Variants in RARB observed in about 807,000 individuals in gnomAD.
The protein encoded by RARB is HBV-activated protein.
A neutral mutation model predicts 51.9 loss-of-function variants in RARB; 17 were observed. That is an observed-to-expected ratio of 0.33 (90% CI 0.22 to 0.49). RARB has a LOEUF of 0.49. Among genes scored for constraint, RARB ranks in the 20% least tolerant of loss-of-function variants. RARB has a pLI of 0.99. For synonymous variants in RARB, 215 were observed against 195.4 expected, an observed-to-expected ratio of 1.10 and a Z score of -0.84; for missense variants, 369 against 550.8, an observed-to-expected ratio of 0.67 and a Z score of 3.30.
chr3:25,004,598 T>C (rs1471650375), intron 2 of RARB, among the ~76,000 whole-genome samples: 1 of 152,136 alleles, frequency 6.6e-6, no homozygotes, highest in African/African-American at 2.4e-5. Flanking sequence ...CACCTCTTAA[T>C]AGTGTCACAA....
At chr3:25,511,165 C>T (rs62235661) in intron 3 of RARB, among the ~76,000 whole-genome samples, 4,222 of 151,628 alleles carry the variant, frequency 0.028, 102 homozygotes, top group African/African-American at 0.065. Flanking sequence ...TGGCGTCTTG[C>T]TCTGTTGCCC....
intron 5 of RARB, among the ~76,000 whole-genome samples, chr3:25,371,123 C>G (rs1706286064): frequency 6.6e-6 from 1 of 152,168 alleles, no homozygotes; most frequent in South Asian, 2.1e-4. Context: ...AATATATCTC[C>G]CAACATTCAT....
chr3:25,393,831 T>C (rs1707040211), intron 5 of RARB, among the ~76,000 whole-genome samples: 1 of 152,124 alleles, frequency 6.6e-6, no homozygotes, highest in Non-Finnish European at 1.5e-5. Flanking sequence ...CCTAATGGTC[T>C]ATGAATTTTG....
At chr3:25,244,994 T>C (rs1015937533) in intron 5 of RARB, among the ~76,000 whole-genome samples, 2 of 152,236 alleles carry the variant, frequency 1.3e-5, no homozygotes, top group Non-Finnish European at 2.9e-5. Flanking sequence ...TGCTCCCGTA[T>C]TGGGTGCATA....
At chr3:25,240,294 C>A (rs191349317) in intron 5 of RARB, among the ~76,000 whole-genome samples, 1 of 152,198 alleles carries the variant, frequency 6.6e-6, no homozygotes, top group African/African-American at 2.4e-5. Context: ...TTGACTTCCT[C>A]ATTTTCAATT....
At chr3:25,455,012 C>T (rs1005561982) in intron 1 of RARB, among the ~76,000 whole-genome samples, 1 of 152,130 alleles carries the variant, frequency 6.6e-6, no homozygotes, top group Non-Finnish European at 1.5e-5. Flanking sequence ...TTGTACCATC[C>T]CAGTCGGTGG....
At chr3:25,557,137 T>TCACACACA (rs55731301) in intron 3 of RARB, among the ~76,000 whole-genome samples, 6,906 of 145,328 alleles carry the variant, frequency 0.048, 245 homozygotes, top group African/African-American at 0.1. Flanking sequence ...GGCATTGCAT[T>TCACACACA]CACACACACA....
At chr3:25,389,709 G>A (rs1309791855) in intron 5 of RARB, among the ~76,000 whole-genome samples, 3 of 152,110 alleles carry the variant, frequency 2.0e-5, no homozygotes, top group African/African-American at 7.2e-5. Context: ...ATTTGCTATG[G>A]ACCTAAAAAT....
chr3:25,591,023 C>A (rs887978276), intron 5 of RARB, among the ~76,000 whole-genome samples: 1 of 152,162 alleles, frequency 6.6e-6, no homozygotes, highest in Non-Finnish European at 1.5e-5. Context: ...TGGCTTCATA[C>A]CCCATCAGTT....
chr3:25,460,163 A>G (rs1042955286), intron 1 of RARB, among the ~76,000 whole-genome samples: 1 of 152,182 alleles, frequency 6.6e-6, no homozygotes, highest in Non-Finnish European at 1.5e-5. Flanking sequence ...TTAATTGTAC[A>G]TTTAGTCATC....
chr3:25,371,612 G>T (rs1006506684), intron 5 of RARB, among the ~76,000 whole-genome samples: 11 of 152,218 alleles, frequency 7.2e-5, no homozygotes, highest in African/African-American at 2.7e-4. Flanking sequence ...AGTGGAAGTG[G>T]ATCAATAAGT....
chr3:24,979,328 T>TTG (rs1491318756), intron 2 of RARB, among the ~76,000 whole-genome samples: 1 of 146,950 alleles, frequency 6.8e-6, no homozygotes, highest in Non-Finnish European at 1.5e-5. Flanking sequence ...TGTCTCACAG[T>TTG]TGTGTGTGTG....
At chr3:25,049,755 C>A (rs1298677648) in intron 2 of RARB, among the ~76,000 whole-genome samples, 1 of 152,234 alleles carries the variant, frequency 6.6e-6, no homozygotes, top group Non-Finnish European at 1.5e-5. Flanking sequence ...CTAATCCAAA[C>A]TGATGTGTTA....
intron 5 of RARB, among the ~76,000 whole-genome samples, chr3:25,373,909 G>C (rs752991305): frequency 7.2e-5 from 11 of 152,192 alleles, no homozygotes; most frequent in Non-Finnish European, 1.6e-4. Flanking sequence ...GCTCACACGT[G>C]AGAAGCCAGA....
At chr3:25,190,608 G>A (rs957104297) in intron 5 of RARB, among the ~76,000 whole-genome samples, 3 of 152,056 alleles carry the variant, frequency 2.0e-5, no homozygotes, top group Non-Finnish European at 2.9e-5. Flanking sequence ...AGACTGCCAG[G>A]TGATTCCTTG....
At chr3:25,039,645 A>C (rs1301171667) in intron 2 of RARB, among the ~76,000 whole-genome samples, 1 of 152,230 alleles carries the variant, frequency 6.6e-6, no homozygotes, top group African/African-American at 2.4e-5. Flanking sequence ...TTTGGGGATG[A>C]AAGTTGAGAT....
intron 4 of RARB, among the ~76,000 whole-genome samples, chr3:25,134,318 G>A (rs988770577): frequency 7.2e-5 from 11 of 151,942 alleles, no homozygotes; most frequent in Non-Finnish European, 1.2e-4. Flanking sequence ...ATAGGATATA[G>A]GAGGCTGAAA....
chr3:25,184,317 A>G (rs1700926116), intron 5 of RARB, among the ~76,000 whole-genome samples: 1 of 152,150 alleles, frequency 6.6e-6, no homozygotes. Flanking sequence ...GAGTAAGGCC[A>G]GAGTTTATCT....
intron 3 of RARB, among the ~76,000 whole-genome samples, chr3:25,536,278 C>T (rs974294474): frequency 2.0e-5 from 3 of 152,134 alleles, no homozygotes; most frequent in African/African-American, 4.8e-5. Flanking sequence ...CAAAGCCAGG[C>T]CTAGATACCA....
Sources: gnomAD v4.1 joint callset for allele counts (sites outside exome capture counted in the v4.1 genomes callset) on GRCh38, gnomAD v4.1.1 for gene constraint, MANE v1.5 for transcripts, NCBI Gene and HGNC (gene_info 2026-07-23, HGNC 2026-07-21) for gene names.